Variants in EVI5 observed in about 807,000 individuals in gnomAD.
EVI5 encodes the protein ecotropic viral integration site 5 protein homolog.
EVI5 carries 73 observed loss-of-function variants against 112.0 expected under a neutral mutation model. The ratio of observed to expected loss-of-function variants is 0.65; its 90% CI spans 0.54 to 0.79. The LOEUF (loss-of-function observed/expected upper bound fraction) is 0.79. Among genes scored for constraint, EVI5 ranks in the 30% least tolerant of loss-of-function variants. The pLI is 0.00. For synonymous variants in EVI5, 305 were observed against 319.9 expected (o/e 0.95, Z 0.50); for missense variants, 900 against 968.8 (o/e 0.93, Z 0.94).
At chr1:92,665,697 G>A (rs1443696028) in intron 11 of EVI5, among the ~76,000 whole-genome samples, 3 of 152,060 alleles carry the variant, frequency 2.0e-5, no homozygotes, top group Admixed American at 6.6e-5. Context: ...AAAACAAATA[G>A]TATCAATATG....
chr1:92,774,366 G>A (rs899714384), intron 1 of EVI5, among the ~76,000 whole-genome samples: 18 of 152,036 alleles, frequency 1.2e-4, no homozygotes, highest in African/African-American at 4.3e-4. Context: ...ATCTGCTAAC[G>A]CTGTTCTGAT....
intron 19 of EVI5, among the ~76,000 whole-genome samples, chr1:92,553,060 T>G (rs560385864): frequency 6.6e-6 from 1 of 152,244 alleles, no homozygotes; most frequent in East Asian, 1.9e-4. Context: ...TTATACTTTA[T>G]GAATATAACA....
At chr1:92,703,835 T>C (rs925618478) in intron 3 of EVI5, 6 of 447,472 alleles carry the variant, frequency 1.3e-5, no homozygotes, top group Non-Finnish European at 2.3e-5. Context: ...ATAATGATCA[T>C]TTCACCTCAG....
intron 18 of EVI5, among the ~76,000 whole-genome samples, chr1:92,594,497 T>C (rs1403263225): frequency 6.0e-5 from 9 of 150,804 alleles, no homozygotes; most frequent in Non-Finnish European, 1.0e-4. Context: ...ATTCAGGACA[T>C]AGGCATGGGC....
intron 18 of EVI5, among the ~76,000 whole-genome samples, chr1:92,569,421 T>A (rs1669969892): frequency 6.6e-6 from 1 of 152,198 alleles, no homozygotes; most frequent in Admixed American, 6.5e-5. Flanking sequence ...AACTACAATA[T>A]ATAAAGAATT....
intron 19 of EVI5, among the ~76,000 whole-genome samples, chr1:92,527,334 G>T (rs1662048400): frequency 6.8e-6 from 1 of 147,396 alleles, no homozygotes; most frequent in South Asian, 2.1e-4. Context: ...AGACTCGGTT[G>T]AACCTGGGAG....
At chr1:92,542,771 AAAC>A (rs1182254055) in intron 19 of EVI5, among the ~76,000 whole-genome samples, 1 of 152,238 alleles carries the variant, frequency 6.6e-6, no homozygotes, top group African/African-American at 2.4e-5. Context: ...AGCAGCATGA[AAAC>A]AACATTAATC....
At chr1:92,665,224 A>G (rs1664695025) in intron 11 of EVI5, among the ~76,000 whole-genome samples, 1 of 152,154 alleles carries the variant, frequency 6.6e-6, no homozygotes, top group Non-Finnish European at 1.5e-5. Context: ...AAAAAGAAAA[A>G]GAAAAAAGCA....
At chr1:92,564,475 G>A (rs1039983016) in intron 18 of EVI5, among the ~76,000 whole-genome samples, 9 of 152,048 alleles carry the variant, frequency 5.9e-5, no homozygotes, top group African/African-American at 2.2e-4. Context: ...ACTCTAAAAA[G>A]GGGAGGACAA....
chr1:92,564,015 C>T (rs760356312), intron 18 of EVI5, among the ~76,000 whole-genome samples: 8 of 152,048 alleles, frequency 5.3e-5, no homozygotes, highest in Non-Finnish European at 1.0e-4. Flanking sequence ...CTCTGCCTCC[C>T]GGGTTCAAGC....
intron 1 of EVI5, among the ~76,000 whole-genome samples, chr1:92,777,962 G>A (rs1445351855): frequency 3.3e-5 from 5 of 149,380 alleles, no homozygotes; most frequent in Admixed American, 1.3e-4. Context: ...GGCTGGAGGT[G>A]CAGTGGCGCA....
chr1:92,651,807 C>T (rs1208504022), intron 13 of EVI5, among the ~76,000 whole-genome samples: 1 of 146,300 alleles, frequency 6.8e-6, no homozygotes, highest in Non-Finnish European at 1.5e-5. Flanking sequence ...GCCGAGATCC[C>T]GCCACTGCAC....
intron 18 of EVI5, among the ~76,000 whole-genome samples, chr1:92,588,984 T>C (rs374616024): frequency 4.3e-4 from 66 of 152,156 alleles, no homozygotes; most frequent in African/African-American, 1.4e-3. Flanking sequence ...GACAGAAAAA[T>C]TGAAAAGAAT....
intron 1 of EVI5, among the ~76,000 whole-genome samples, chr1:92,776,635 CT>C (rs770829382): frequency 0.017 from 2,312 of 137,628 alleles, 50 homozygotes; most frequent in African/African-American, 0.051. Flanking sequence ...ACCATCATGA[CT>C]TTTTTTTTTT....
At chr1:92,530,084 A>C (rs1189906131) in intron 19 of EVI5, among the ~76,000 whole-genome samples, 2 of 152,152 alleles carry the variant, frequency 1.3e-5, no homozygotes, top group Non-Finnish European at 2.9e-5. Flanking sequence ...TAGACCCTTG[A>C]TGGTAGGGAT....
At chr1:92,680,407 G>T (rs1237151163) in intron 9 of EVI5, among the ~76,000 whole-genome samples, 1 of 152,148 alleles carries the variant, frequency 6.6e-6, no homozygotes, top group Non-Finnish European at 1.5e-5. Flanking sequence ...AATAGTAATG[G>T]ATTATAGCTC....
At chr1:92,760,169 G>C (rs1488260748) in intron 1 of EVI5, among the ~76,000 whole-genome samples, 1 of 151,876 alleles carries the variant, frequency 6.6e-6, no homozygotes. Flanking sequence ...TTAATTTTTG[G>C]AGAGTCCTTT....
intron 19 of EVI5, among the ~76,000 whole-genome samples, chr1:92,527,812 A>C (rs367809511): frequency 1.8e-4 from 27 of 152,218 alleles, no homozygotes; most frequent in African/African-American, 9.6e-5. Context: ...ATGGTAGCTT[A>C]TGCTTTTCCG....
At chr1:92,625,658 T>C in intron 15 of EVI5, 136 bp downstream of exon 15, 1 of 629,552 alleles carries the variant, frequency 1.6e-6, no homozygotes, top group Non-Finnish European at 2.7e-6. Context: ...ATAAATACTC[T>C]CAATTTTGAC....
Sources: gnomAD v4.1 joint callset for allele counts (sites outside exome capture counted in the v4.1 genomes callset) on GRCh38, gnomAD v4.1.1 for gene constraint, MANE v1.5 for transcripts, NCBI Gene and HGNC (gene_info 2026-07-23, HGNC 2026-07-21) for gene names.